PDS5A: variants seen among roughly 807,000 people sequenced by gnomAD.
PDS5A encodes PDS5 cohesin associated factor A.
Under a neutral mutation model 167.1 loss-of-function variants are expected in PDS5A, and 42 were observed. That is an observed-to-expected ratio of 0.25 (90% CI 0.20 to 0.33). The LOEUF is 0.33. Ranked by LOEUF, PDS5A falls within the 10% of genes least tolerant of loss-of-function variation. The pLI, the probability that PDS5A is intolerant of heterozygous loss-of-function variation, is 1.00. For synonymous variants in PDS5A, 553 were observed against 554.6 expected, an observed-to-expected ratio of 1.00 and a Z score of 0.04; for missense variants, 1,033 against 1,605.9, an observed-to-expected ratio of 0.64 and a Z score of 6.10.
At chr4:39,924,121 G>A (rs982054601) in intron 5 of PDS5A, among the ~76,000 whole-genome samples, 2 of 152,106 alleles carry the variant, frequency 1.3e-5, no homozygotes, top group East Asian at 1.9e-4. Flanking sequence ...GTCAGCATAC[G>A]AACAGGCCTG....
chr4:39,914,860 AAT>A (rs2109695470), intron 8 of PDS5A, among the ~76,000 whole-genome samples: 1 of 152,302 alleles, frequency 6.6e-6, no homozygotes, highest in East Asian at 1.9e-4. Context: ...CAATAAACAA[AAT>A]AGTTTTGGAA....
chr4:39,925,060 C>A (rs147285881), intron 5 of PDS5A, among the ~76,000 whole-genome samples: 2,796 of 152,034 alleles, frequency 0.018, 37 homozygotes, highest in Non-Finnish European at 0.028. Flanking sequence ...TGCAGTGAGC[C>A]AAGATGGCAC....
At position 39,920,323 on chromosome 4, in the gene PDS5A, G is replaced by C; in HGVS notation, c.731C>G (p.Ala244Gly). The C allele has an allele frequency of 7.2e-7, 1 of 1,382,464 alleles. No individual in the cohort carries two copies. The highest frequency in any genetic ancestry group is 1.0e-6 in the Non-Finnish European group (1 of 981,878). The allele number at this position is 1,382,464 out of a possible 1,614,324, so 85.6% of individuals were successfully genotyped here. A position where few individuals can be genotyped will look rare whatever the true frequency, so the allele number is the denominator to read the frequency against. ...RTVQTIEACI[A>G]NFFNQVLVLG... ...AACATAGAAAGAAATACATACATTA[G>C]CAATGCATGCCTCAATAGTCTGGAC... The change falls in exon 7 of 33, where the codon GCT (alanine) becomes GGT (glycine). Residue 244 changes from alanine (A) to glycine (G), a missense_variant. Physicochemically the swap from Ala to Gly is moderately conservative, Grantham distance 60. Around this residue, in one of 4 missense-constraint regions of PDS5A, gnomAD observed 388 missense variants for 615.1 expected, o/e 0.63. Transcript: ENST00000303538.
chr4:39,938,746 T>C (rs1014456007), intron 2 of PDS5A, among the ~76,000 whole-genome samples: 3 of 149,454 alleles, frequency 2.0e-5, no homozygotes, highest in Admixed American at 2.0e-4. Context: ...CTGAGGCCGA[T>C]GGATCACAAG....
At position 39,904,194 on chromosome 4, in the gene PDS5A, A is replaced by G; in HGVS notation, c.1234-3T>C. On this transcript the variant is annotated splice_region_variant and splice_polypyrimidine_tract_variant and intron_variant, in intron 11 of 32. Transcript: ENST00000303538. ...ATAGCTTCTTTTCTTACTCGCCACT[A>G]AAAAGCATAAAATTTATTAGATGAG... 2 of 1,595,788 alleles carry G rather than the reference A, an allele frequency of 1.3e-6. No individual in the cohort carries two copies. Among genetic ancestry groups the G allele is most frequent in the South Asian group, 2.3e-5 (2 of 87,852 alleles).
chr4:39,936,520 C>G (rs185653270), intron 2 of PDS5A, among the ~76,000 whole-genome samples: 6 of 152,214 alleles, frequency 3.9e-5, no homozygotes, highest in African/African-American at 1.4e-4. Context: ...TTATAACCTC[C>G]GCCTCCTGGG....
chr4:39,920,921 T>C (rs562158910), intron 6 of PDS5A, among the ~76,000 whole-genome samples: 2 of 152,340 alleles, frequency 1.3e-5, no homozygotes, highest in Admixed American at 1.3e-4. Context: ...AGTCCCAATG[T>C]ACTCAAATAA....
chr4:39,884,072 T>C (rs1721197361), intron 17 of PDS5A, among the ~76,000 whole-genome samples: 1 of 152,002 alleles, frequency 6.6e-6, no homozygotes, highest in Admixed American at 6.6e-5. Context: ...GGGATTACAG[T>C]TGCGTGCCAC....
intron 32 of PDS5A, among the ~76,000 whole-genome samples, chr4:39,836,268 C>CT (rs1295626890): frequency 6.6e-6 from 1 of 152,128 alleles, no homozygotes. Flanking sequence ...CATTACTACA[C>CT]TTATTAGTTA....
intron 2 of PDS5A, among the ~76,000 whole-genome samples, chr4:39,941,411 C>T (rs1314541469): frequency 1.3e-5 from 2 of 152,238 alleles, no homozygotes; most frequent in African/African-American, 2.4e-5. Context: ...TGGCAGTTTA[C>T]TCACTGAGCA....
chr4:39,912,250 G>A (rs530752510), intron 9 of PDS5A, among the ~76,000 whole-genome samples: 176 of 152,296 alleles, frequency 1.2e-3, no homozygotes, highest in African/African-American at 4.1e-3. Context: ...ACTACAGTTA[G>A]CAGTGAGTGT....
rs548087268 is a variant in PDS5A, at chr4:39,823,475, C to A, written c.*2010G>T. The A allele has an allele frequency of 6.6e-6, 1 of 152,390 alleles. No homozygotes were observed. Among genetic ancestry groups the A allele is most frequent in the Non-Finnish European group, 1.5e-5 (1 of 68,002 alleles). 9.4% of individuals were successfully genotyped at this position (152,390 alleles called of 1,614,324 possible). ...TTGGTAATCTAGTAAACTGTGATGC[C>A]GGGCAATTAATCAAAGGGAGGAAGA... On this transcript the variant is annotated 3_prime_UTR_variant, in exon 33 of 33. Coordinates refer to ENST00000303538, the MANE Select transcript of PDS5A (RefSeq NM_001100399.2).
chr4:39,869,496 T>TA, intron 21 of PDS5A, 34 bp from the exon 22 acceptor site: 5 of 1,306,638 alleles, frequency 3.8e-6, no homozygotes, highest in Middle Eastern at 1.9e-4. Flanking sequence ...GCTATTAGCA[T>TA]GAAAAAAAAA....
At chr4:39,904,765 G>C (rs1723187785) in intron 11 of PDS5A, among the ~76,000 whole-genome samples, 1 of 152,212 alleles carries the variant, frequency 6.6e-6, no homozygotes, top group South Asian at 2.1e-4. Flanking sequence ...CTGGGCTAAA[G>C]TGATCCTCCT....
At chr4:39,908,594 G>A in intron 10 of PDS5A, 54 bp from the exon 11 acceptor site, 1 of 1,095,086 alleles carries the variant, frequency 9.1e-7, no homozygotes, top group Admixed American at 2.1e-5. Flanking sequence ...AATTTGTCAT[G>A]ATTTAGAATG....
intron 13 of PDS5A, 47 bp from the exon 14 acceptor site, chr4:39,900,554 A>G: frequency 8.2e-7 from 1 of 1,212,248 alleles, no homozygotes; most frequent in Non-Finnish European, 1.2e-6. Flanking sequence ...ACAATACTGG[A>G]AATTATTCAG....
At chr4:39,951,651 A>G (rs1246934033) in intron 2 of PDS5A, among the ~76,000 whole-genome samples, 1 of 152,252 alleles carries the variant, frequency 6.6e-6, no homozygotes, top group Non-Finnish European at 1.5e-5. Flanking sequence ...CTGTGATCCC[A>G]GCACTTTGGG....
chr4:39,933,766 G>A (rs528763481), intron 2 of PDS5A, among the ~76,000 whole-genome samples: 24 of 152,164 alleles, frequency 1.6e-4, no homozygotes, highest in African/African-American at 4.6e-4. Flanking sequence ...TAAATATGTC[G>A]TTACTGTGCA....
chr4:39,833,104 T>C (rs1164083726), intron 32 of PDS5A, among the ~76,000 whole-genome samples: 1 of 145,384 alleles, frequency 6.9e-6, no homozygotes, highest in African/African-American at 2.5e-5. Context: ...GGCAGGAGAA[T>C]TGCTTGAACC....
Sources: gnomAD v4.1 joint callset for allele counts (sites outside exome capture counted in the v4.1 genomes callset) on GRCh38, gnomAD v4.1.1 for gene constraint, gnomAD v4.1.1 regional missense constraint, MANE v1.5 for transcripts, NCBI Gene and HGNC (gene_info 2026-07-23, HGNC 2026-07-21) for gene names.